The following CUX1 variants were observed in gnomAD, a reference collection of about 807,000 sequenced individuals.
The protein encoded by CUX1 is cut like homeobox 1.
In CUX1, 31 loss-of-function variants were observed where a neutral mutation model predicts 158.8. That is an observed-to-expected ratio of 0.20 (90% confidence interval 0.15 to 0.26). The LOEUF is 0.26. CUX1 is among the 10% of genes least tolerant of loss of function. CUX1 has a pLI of 1.00. For synonymous variants in CUX1, 879 were observed against 862.1 expected (o/e 1.02, Z -0.34); for missense variants, 1,589 against 2,014.6 (o/e 0.79, Z 4.04).
chr7:102,258,494 T>A (rs1790132187), downstream of CUX1, among the ~76,000 whole-genome samples: 1 of 152,188 alleles, frequency 6.6e-6, no homozygotes, highest in Non-Finnish European at 1.5e-5. Flanking sequence ...CGTTCCTACT[T>A]GCTGTTGTCA....
Position 102,200,081 on chromosome 7 carries a change from C to G in CUX1, c.1971C>G (p.Thr657=). ...KRRNGSEGNI[T]TRIRASETGS... is the part of the protein sequence containing the mutation. ...AACTTCTCCCCACAGGTAACATCAC[C>G]ACCCGGATCCGAGCCTCGGAGACTG... Residue 657 remains threonine (T), a synonymous_variant, in exon 17 of 24, where the codon ACC becomes ACG. Coordinates refer to ENST00000292535, the MANE Select transcript of CUX1 (RefSeq NM_181552.4). The G allele has an allele frequency of 6.2e-7, 1 of 1,611,240 alleles. No individual in the cohort carries two copies. The highest frequency in any genetic ancestry group is 8.5e-7 in the Non-Finnish European group (1 of 1,178,756).
Position 102,065,002 on chromosome 7 carries a change from G to A in CUX1, c.190-5337G>A, listed in dbSNP as rs147899390. The stretch of plus-strand genomic sequence containing the variant: ...CTAGGAAGTCACTGGCTGCAGCAGG[G>A]AAGTCACACAAAGGGACAACCTACC... On this transcript the variant is annotated intron_variant, in intron 3 of 23. Coordinates refer to ENST00000292535, the MANE Select transcript of CUX1 (RefSeq NM_181552.4). 7.0e-3 allele frequency among the ~76,000 whole-genome samples: 1,065 copies of A among 152,290 alleles called. 3 individuals carry two copies. The highest frequency in any genetic ancestry group is 0.011 in the Non-Finnish European group (764 of 68,016).
chr7:102,269,613 G>A (rs748406279), intron 14 of CUX1, among the ~76,000 whole-genome samples: 1 of 126,590 alleles, frequency 7.9e-6, no homozygotes, highest in East Asian at 2.3e-4. Context: ...TAGTAGAGAC[G>A]AGTTTTCGCC....
At chr7:101,990,598 AAC>A (rs1814978627) in intron 2 of CUX1, among the ~76,000 whole-genome samples, 1 of 152,022 alleles carries the variant, frequency 6.6e-6, no homozygotes, top group Non-Finnish European at 1.5e-5. Flanking sequence ...GCTGATCGTG[AAC>A]TCCTGACTTC....
At chr7:101,850,998 A>G (rs1057362925) in intron 1 of CUX1, among the ~76,000 whole-genome samples, 2 of 152,166 alleles carry the variant, frequency 1.3e-5, no homozygotes, top group African/African-American at 4.8e-5. Context: ...AGTCCCAGCT[A>G]CATGGGTAGC....
chr7:102,001,639 C>T (rs555468211), intron 2 of CUX1, among the ~76,000 whole-genome samples: 9 of 152,326 alleles, frequency 5.9e-5, no homozygotes, highest in South Asian at 4.1e-4. Context: ...CCACCGCGCC[C>T]GGCCCCGTTT....
intron 1 of CUX1, among the ~76,000 whole-genome samples, chr7:101,831,537 C>A (rs1050985368): frequency 1.3e-5 from 2 of 152,050 alleles, no homozygotes; most frequent in Non-Finnish European, 2.9e-5. Context: ...GGTGATCCAC[C>A]CACGTCAGCC....
At chr7:102,189,278 T>G (rs1055229988) in intron 11 of CUX1, among the ~76,000 whole-genome samples, 3 of 151,752 alleles carry the variant, frequency 2.0e-5, no homozygotes, top group Admixed American at 6.6e-5. Context: ...TCCTCCTGTT[T>G]GCTGTTTCAT....
rs78359248 is a variant in CUX1 at position 102,201,025 on chromosome 7, T to TAAAAAAAAAAAAAAAAAAAA, written c.2063-325_2063-306dup. 2.4e-5 allele frequency among the ~76,000 whole-genome samples: 1 copy of TAAAAAAAAAAAAAAAAAAAA among 42,144 alleles called. No homozygotes were observed. The highest frequency in any genetic ancestry group is 1.0e-4 in the African/African-American group (1 of 9,692). The allele number at this position is 42,144 out of a possible 152,430, so 27.6% of individuals were successfully genotyped here. A position where few individuals can be genotyped will look rare whatever the true frequency, so the allele number is the denominator to read the frequency against. Reference sequence around the variant, plus strand: ...CTGGACAACAGCGAGATCCTGTCGCTAAAAAAAAAAAAAAAAAAAAAAAAA... The same window carrying TAAAAAAAAAAAAAAAAAAAA: ...CTGGACAACAGCGAGATCCTGTCGCTAAAAAAAAAAAAAAAAAAAAAAAAAAAAAAAAAAAAAAAAAAAAA... On this transcript the variant is annotated intron_variant, in intron 17 of 23. Transcript: ENST00000292535. The surrounding 1 kb of genome is among the most constrained non-coding windows in gnomAD (Gnocchi z 5.0).
intron 2 of CUX1, among the ~76,000 whole-genome samples, chr7:101,952,442 A>G (rs529345886): frequency 4.3e-4 from 66 of 152,302 alleles, no homozygotes; most frequent in African/African-American, 1.5e-3. Flanking sequence ...GAATCAGAAA[A>G]TACGCGGGCA....
chr7:101,989,240 C>T (rs1027127815), intron 2 of CUX1, among the ~76,000 whole-genome samples: 1 of 152,176 alleles, frequency 6.6e-6, no homozygotes, highest in Non-Finnish European at 1.5e-5. Flanking sequence ...AGCTGCAGAA[C>T]CGGAGACCTC....
At position 101,962,275 on chromosome 7, in the gene CUX1, C is replaced by G. The variant is rs562911514; in HGVS notation, c.141+46050C>G. 5.3e-5 allele frequency among the ~76,000 whole-genome samples: 8 copies of G among 152,306 alleles called. No individual in the cohort carries two copies. In the South Asian group the frequency reaches 1.4e-3, roughly 28 times the overall value. On this transcript the variant is annotated intron_variant, in intron 2 of 23. Transcript: ENST00000292535. ...TCTTGCCTTAATCACCGTTTTCTCT[C>G]TGTCCGTGGAATCACAGAGCTAACT...
At chr7:102,216,629 A>ACACC (rs782747068) in intron 20 of CUX1, among the ~76,000 whole-genome samples, 3 of 79,054 alleles carry the variant, frequency 3.8e-5, no homozygotes, top group African/African-American at 1.5e-4. Flanking sequence ...CCACACACAC[A>ACACC]CCCCCACACA....
rs141343437 is a variant in CUX1, at chr7:102,221,909, C to T, written c.3131-5458C>T. Among the ~76,000 whole-genome samples, 100 of 152,086 alleles carry T rather than the reference C, an allele frequency of 6.6e-4. 1 individual carries two copies. Among genetic ancestry groups the T allele is most frequent in the South Asian group, 4.8e-3 (23 of 4,790 alleles). On this transcript the variant is annotated intron_variant, in intron 20 of 23. Coordinates refer to ENST00000292535, the MANE Select transcript of CUX1 (RefSeq NM_181552.4). ...CTGCAGGCTGCAGGGTCCTTGGAAG[C>T]GAGGTTTTTGTCTGATTTCTCCCTT...
rs1554484650 is a variant in CUX1, at chr7:102,097,458, T to C, written c.363T>C (p.Thr121=). The part of the protein sequence containing the change: ...IETENQKLRE[T]LEEYNKEFAE... ...CAGAGAACCAGAAACTTAGGGAAAC[T>C]CTGGAAGAATACAACAAGGAATTTG... The change falls in exon 5 of 24, where the codon ACT becomes ACC. Residue 121 remains threonine, a synonymous_variant. Coordinates refer to ENST00000292535, the MANE Select transcript of CUX1 (RefSeq NM_181552.4). 1 of 1,612,962 alleles carries C rather than the reference T, an allele frequency of 6.2e-7. No individual in the cohort carries two copies. Among genetic ancestry groups the C allele is most frequent in the Non-Finnish European group, 8.5e-7 (1 of 1,179,814 alleles).
chr7:101,817,694 C>T lies in CUX1; in HGVS notation c.30+25C>T, dbSNP rs1476564661. 6.5e-7 allele frequency: 1 copy of T among 1,549,082 alleles called. No homozygotes were observed. The highest frequency in any genetic ancestry group is 8.7e-7 in the Non-Finnish European group (1 of 1,146,528). On this transcript the variant is annotated intron_variant, in intron 1 of 23. Coordinates refer to ENST00000292535, the MANE Select transcript of CUX1 (RefSeq NM_181552.4). This position sits in a 1 kb window ranked among gnomAD's most constrained non-coding sequence, Gnocchi z 4.1. Reference sequence around the variant, plus strand: ...GGTGAGCGGCGTGTGGGCCAGAAGTCCCGAGGTTGCAGGCGCGGAGGGAAC... The same window carrying T: ...GGTGAGCGGCGTGTGGGCCAGAAGTTCCGAGGTTGCAGGCGCGGAGGGAAC...
In CUX1 at chr7:102,201,457, G is replaced by T; in HGVS notation, c.2160G>T (p.Gln720His). Residue 720 changes from glutamine (Q) to histidine (H), a missense_variant, in exon 18 of 24, where the codon CAG (glutamine) becomes CAT (histidine). By Grantham distance (24) the Gln-to-His change is conservative. This residue lies in a region of CUX1 where 337 missense variants were observed against 409.3 expected (regional missense o/e 0.82). Coordinates refer to ENST00000292535, the MANE Select transcript of CUX1 (RefSeq NM_181552.4). This position sits in a 1 kb window ranked among gnomAD's most constrained non-coding sequence, Gnocchi z 5.0. ...LQQARREMEA[Q>H]QAALDPALKQ... ...AAGCCCGCCGGGAGATGGAGGCCCA[G>T]CAGGCTGCCCTCGACCCTGCCTTAA... 4 of 1,614,108 alleles carry T rather than the reference G, an allele frequency of 2.5e-6. No individual in the cohort carries two copies. The highest frequency in any genetic ancestry group is 3.4e-6 in the Non-Finnish European group (4 of 1,180,026).
Position 101,821,664 on chromosome 7 carries a change from CTTTTTTCTTTTTTT to C in CUX1, c.30+4002_30+4015del, listed in dbSNP as rs1408581024. 4.2e-5 allele frequency among the ~76,000 whole-genome samples: 3 copies of C among 71,030 alleles called. No homozygotes were observed. The East Asian group carries it at 1.1e-3, about 26-fold the overall frequency. The allele number at this position is 71,030 out of a possible 152,430, so 46.6% of individuals were successfully genotyped here. A position where few individuals can be genotyped will look rare whatever the true frequency, so the allele number is the denominator to read the frequency against. ...CTATTTTCTTTTCTTTTCTTTTTTT[CTTTTTTCTTTTTTT>C]TTTTTTTTTTTTTTTTTTTGAGACG... On this transcript the variant is annotated intron_variant, in intron 1 of 23. Coordinates refer to ENST00000292535, the MANE Select transcript of CUX1 (RefSeq NM_181552.4).
At chr7:102,075,413 A>G (rs2130661994) in intron 4 of CUX1, among the ~76,000 whole-genome samples, 1 of 152,244 alleles carries the variant, frequency 6.6e-6, no homozygotes, top group Non-Finnish European at 1.5e-5. Context: ...CTTCCCATGC[A>G]CACACACACC....
Sources: gnomAD v4.1 joint callset for allele counts (sites outside exome capture counted in the v4.1 genomes callset) on GRCh38, gnomAD v4.1.1 for gene constraint, gnomAD v4.1.1 regional missense constraint, Gnocchi (gnomAD v3.1) non-coding constraint, MANE v1.5 for transcripts, NCBI Gene and HGNC (gene_info 2026-07-23, HGNC 2026-07-21) for gene names.